COL25A1: variants seen among roughly 807,000 people sequenced by gnomAD.
COL25A1 encodes collagen type XXV alpha 1 chain, also known as collagen alpha-1(XXV) chain.
COL25A1 carries 103 observed loss-of-function variants against 128.4 expected under a neutral mutation model. The ratio of observed to expected loss-of-function variants is 0.80; its 90% CI spans 0.68 to 0.94. The LOEUF is 0.94. COL25A1 is among the 40% of genes least tolerant of loss of function. COL25A1 has a pLI of 0.00. For synonymous variants in COL25A1, 279 were observed against 277.2 expected (o/e 1.01, Z -0.06); for missense variants, 745 against 840.0 (o/e 0.89, Z 1.40).
At chr4:109,220,090 C>T (rs78021337) in intron 3 of COL25A1, among the ~76,000 whole-genome samples, 13,146 of 152,114 alleles carry the variant, frequency 0.086, 1,185 homozygotes, top group African/African-American at 0.23. Context: ...GAGCCACCAA[C>T]TGCTTTGAGT....
chr4:109,066,132 A>C (rs1895742), intron 3 of COL25A1, among the ~76,000 whole-genome samples: 26,180 of 152,140 alleles, frequency 0.17, 2,489 homozygotes, highest in Non-Finnish European at 0.22. Context: ...ATAGTGATGG[A>C]AATATCTGGA....
At chr4:109,254,505 A>ATATATGTATGTG (rs1383703429) in intron 3 of COL25A1, among the ~76,000 whole-genome samples, 1 of 104,994 alleles carries the variant, frequency 9.5e-6, no homozygotes, top group Non-Finnish European at 1.9e-5. Flanking sequence ...ATATATATAT[A>ATATATGTATGTG]TGTATGTGTG....
At chr4:109,259,579 G>A (rs1384556322) in intron 3 of COL25A1, among the ~76,000 whole-genome samples, 1 of 152,082 alleles carries the variant, frequency 6.6e-6, no homozygotes, top group Non-Finnish European at 1.5e-5. Flanking sequence ...ATTACACAAG[G>A]CATTACCCTA....
At chr4:109,174,902 C>T (rs983050771) in intron 3 of COL25A1, among the ~76,000 whole-genome samples, 2 of 152,170 alleles carry the variant, frequency 1.3e-5, no homozygotes, top group Non-Finnish European at 2.9e-5. Flanking sequence ...GTGAGCATTA[C>T]CGCCTGAGCT....
chr4:108,863,877 T>G (rs1484146051), intron 20 of COL25A1, among the ~76,000 whole-genome samples: 2 of 152,148 alleles, frequency 1.3e-5, no homozygotes, highest in East Asian at 1.9e-4. Flanking sequence ...CTCAGGCTCT[T>G]ATGCCTTCAG....
chr4:109,010,784 T>C (rs1437523363), intron 5 of COL25A1, among the ~76,000 whole-genome samples: 2 of 152,196 alleles, frequency 1.3e-5, no homozygotes, highest in Non-Finnish European at 2.9e-5. Flanking sequence ...TATTCAAACA[T>C]GACAGAGTTA....
At chr4:109,272,806 C>T (rs937616025) in intron 3 of COL25A1, among the ~76,000 whole-genome samples, 7 of 152,012 alleles carry the variant, frequency 4.6e-5, no homozygotes, top group Non-Finnish European at 7.4e-5. Context: ...TAGGCATTTA[C>T]CAGGCAGAGA....
chr4:108,822,994 ATAACCACT>A (rs1385004073), intron 35 of COL25A1, among the ~76,000 whole-genome samples: 1 of 152,164 alleles, frequency 6.6e-6, no homozygotes, highest in African/African-American at 2.4e-5. Flanking sequence ...GGGCTTTCAG[ATAACCACT>A]TACACGGGCT....
intron 3 of COL25A1, among the ~76,000 whole-genome samples, chr4:109,210,171 C>T (rs570116881): frequency 8.8e-6 from 1 of 114,196 alleles, no homozygotes; most frequent in Non-Finnish European, 1.6e-5. Flanking sequence ...CATAAAGGAG[C>T]GAAGCCTCAA....
rs1560625255 is a variant in COL25A1, at chr4:109,065,551, T to TAC, written c.368-15373_368-15372insGT. Reference sequence around the variant, plus strand: ...TGCAGCACGCGCGCGCGCGCGTGTGTGTGTGTGTGTGTGTGTGTGTGTGTG... The same window carrying TAC: ...TGCAGCACGCGCGCGCGCGCGTGTGTACGTGTGTGTGTGTGTGTGTGTGTGTG... On this transcript the variant is annotated intron_variant, in intron 3 of 37. Coordinates refer to ENST00000399132, the MANE Select transcript of COL25A1 (RefSeq NM_198721.4). Among the ~76,000 whole-genome samples, 21 of 118,822 alleles carry TAC rather than the reference T, an allele frequency of 1.8e-4. No homozygotes were observed. The Middle Eastern group carries it at 0.019, about 106-fold the overall frequency. 78.0% of individuals were successfully genotyped at this position (118,822 alleles called of 152,430 possible).
At chr4:109,124,185 T>A (rs377306216) in intron 3 of COL25A1, among the ~76,000 whole-genome samples, 44 of 152,102 alleles carry the variant, frequency 2.9e-4, no homozygotes, top group African/African-American at 9.7e-4. Flanking sequence ...TTTTTGACAA[T>A]CCCTGCTCCT....
intron 3 of COL25A1, among the ~76,000 whole-genome samples, chr4:109,144,469 G>A (rs1770741356): frequency 1.3e-5 from 2 of 152,192 alleles, no homozygotes; most frequent in South Asian, 4.1e-4. Flanking sequence ...AGGGAAGAAC[G>A]CTTAAGTCTG....
chr4:109,094,086 A>G (rs1279952327), intron 3 of COL25A1, among the ~76,000 whole-genome samples: 3 of 152,232 alleles, frequency 2.0e-5, no homozygotes, highest in African/African-American at 7.2e-5. Flanking sequence ...CAATAAATGA[A>G]TGAGTGAATA....
At chr4:109,181,256 T>G (rs1774602193) in intron 3 of COL25A1, among the ~76,000 whole-genome samples, 1 of 152,118 alleles carries the variant, frequency 6.6e-6, no homozygotes, top group African/African-American at 2.4e-5. Context: ...AAGCTATGGA[T>G]CATCTCCCTG....
chr4:109,012,716 G>A (rs186039389), intron 5 of COL25A1, among the ~76,000 whole-genome samples: 1,792 of 152,290 alleles, frequency 0.012, 12 homozygotes, highest in South Asian at 0.017. Flanking sequence ...CCTCTCCGCC[G>A]GGCAGGGCTC....
intron 8 of COL25A1, among the ~76,000 whole-genome samples, chr4:108,960,231 T>A (rs1750531961): frequency 6.6e-6 from 1 of 152,070 alleles, no homozygotes; most frequent in African/African-American, 2.4e-5. Flanking sequence ...GAAAAAGAGA[T>A]TGTTCAGAGA....
At chr4:108,949,660 A>T (rs1749172401) in intron 8 of COL25A1, among the ~76,000 whole-genome samples, 3 of 152,050 alleles carry the variant, frequency 2.0e-5, no homozygotes, top group Admixed American at 2.0e-4. Context: ...CAGCCCCTCA[A>T]GTAGCTGGAA....
chr4:109,054,974 T>C (rs1761330399), intron 3 of COL25A1, among the ~76,000 whole-genome samples: 1 of 152,190 alleles, frequency 6.6e-6, no homozygotes, highest in Non-Finnish European at 1.5e-5. Context: ...CGGATCATCC[T>C]TTCTGAACCA....
At chr4:109,128,987 T>C (rs1768901830) in intron 3 of COL25A1, among the ~76,000 whole-genome samples, 1 of 152,206 alleles carries the variant, frequency 6.6e-6, no homozygotes, top group Non-Finnish European at 1.5e-5. Flanking sequence ...ATTCGCAGGC[T>C]GGAAAGTCTG....
Sources: allele counts gnomAD v4.1 joint callset (sites outside exome capture counted in the v4.1 genomes callset), GRCh38; gene constraint gnomAD v4.1.1; transcripts MANE v1.5; gene names NCBI Gene and HGNC (gene_info 2026-07-23, HGNC 2026-07-21).